The following NCAM1 variants were observed in gnomAD, a reference collection of about 807,000 sequenced individuals.
The protein encoded by NCAM1 is antigen recognized by monoclonal antibody 5.1H11.
A neutral mutation model predicts 109.8 loss-of-function variants in NCAM1; 14 were observed. That is an observed-to-expected ratio of 0.13 (90% CI 0.08 to 0.20). The LOEUF is 0.20. Among genes scored for constraint, NCAM1 ranks in the 10% least tolerant of loss-of-function variants. NCAM1 has a pLI of 1.00. For missense variants in NCAM1, 774 were observed against 1,109.9 expected, an observed-to-expected ratio of 0.70 and a Z score of 4.30; for synonymous variants, 418 against 442.9, an observed-to-expected ratio of 0.94 and a Z score of 0.70.
intron 15 of NCAM1, among the ~76,000 whole-genome samples, chr11:113,248,336 C>T (rs145182839): frequency 0.016 from 2,428 of 152,106 alleles, 28 homozygotes; most frequent in Middle Eastern, 0.024. Flanking sequence ...CTGCCATCTG[C>T]AAGGGGGCAA....
chr11:113,119,994 G>A (rs942725394), intron 1 of NCAM1, among the ~76,000 whole-genome samples: 3 of 152,202 alleles, frequency 2.0e-5, no homozygotes, highest in African/African-American at 7.2e-5. Context: ...ATTGCTGGAG[G>A]ATGAAGATTT....
chr11:113,098,244 A>G (rs1423749477), intron 1 of NCAM1, among the ~76,000 whole-genome samples: 1 of 152,180 alleles, frequency 6.6e-6, no homozygotes, highest in Non-Finnish European at 1.5e-5. Context: ...GTCCCTCGGT[A>G]TAGAGGAGAT....
chr11:113,258,749 G>A (rs2137621587), intron 16 of NCAM1, among the ~76,000 whole-genome samples: 1 of 152,264 alleles, frequency 6.6e-6, no homozygotes, highest in African/African-American at 2.4e-5. Context: ...ATTATCACAT[G>A]TACCCTGAAA....
chr11:113,277,254 G>C lies in NCAM1; in HGVS notation c.*1867G>C, dbSNP rs187112956. On this transcript the variant is annotated 3_prime_UTR_variant, in exon 20 of 20. Coordinates refer to ENST00000316851, the MANE Select transcript of NCAM1 (RefSeq NM_181351.5). ...TCCCCAACGTTCTGACACTTCTGCA[G>C]TCTGATCAGTGGCGATGCTAGATTA... 3.9e-4 allele frequency: 155 copies of C among 398,712 alleles called. 1 individual carries two copies. The East Asian group carries it at 4.8e-3, about 12-fold the overall frequency. 24.7% of individuals were successfully genotyped at this position (398,712 alleles called of 1,614,324 possible).
At chr11:113,162,501 G>A (rs1351164585) in intron 1 of NCAM1, among the ~76,000 whole-genome samples, 2 of 152,134 alleles carry the variant, frequency 1.3e-5, no homozygotes, top group African/African-American at 4.8e-5. Context: ...AATAACTACT[G>A]GAGGTGAAAA....
In NCAM1 at chr11:112,981,362, A is replaced by G. The variant is rs984639388; in HGVS notation, c.52+19698A>G. 1.3e-5 allele frequency among the ~76,000 whole-genome samples: 2 copies of G among 152,074 alleles called. 1 individual carries two copies. On this transcript the variant is annotated intron_variant, in intron 1 of 19. Coordinates refer to ENST00000316851, the MANE Select transcript of NCAM1 (RefSeq NM_181351.5). The stretch of plus-strand genomic sequence containing the variant: ...AAAGCAAGGCTAAGATGGATTTAAG[A>G]TGTATTTCTTGTCATGTGAAACGTC...
At position 113,270,306 on chromosome 11, in the gene NCAM1, C is replaced by G. The variant is rs1946238396; in HGVS notation, c.2250C>G (p.Gly750=). Residue 750 remains glycine, a synonymous_variant, in exon 18 of 20, where the codon GGC becomes GGG. Coordinates refer to ENST00000316851, the MANE Select transcript of NCAM1 (RefSeq NM_181351.5). ...DITCYFLNKC[G]LFMCIAVNLC... Reference sequence around the variant, plus strand: ...CCTGCTACTTCCTGAACAAGTGTGGCCTGTTCATGTGCATTGCGGTCAACC... The same window carrying G: ...CCTGCTACTTCCTGAACAAGTGTGGGCTGTTCATGTGCATTGCGGTCAACC... 3 of 1,614,036 alleles carry G rather than the reference C, an allele frequency of 1.9e-6. No individual in the cohort carries two copies. In the South Asian group the frequency reaches 3.3e-5, roughly 18 times the overall value.
chr11:113,005,406 G>A (rs570305540), intron 1 of NCAM1, among the ~76,000 whole-genome samples: 189 of 152,206 alleles, frequency 1.2e-3, no homozygotes, highest in African/African-American at 4.2e-3. Context: ...TCTTTTTTGG[G>A]CGGTGGTTTG....
chr11:113,233,990 A>G lies in NCAM1; in HGVS notation c.1693+673A>G, dbSNP rs193122350. On this transcript the variant is annotated intron_variant, in intron 13 of 19. Transcript: ENST00000316851. This position sits in a 1 kb window ranked among gnomAD's most constrained non-coding sequence, Gnocchi z 4.5. ...TTTAATCCTGGTCTCGTATGTGGTA[A>G]TTCGAGTGGAATTGGAAGTAGGCTG... 3.5e-3 allele frequency among the ~76,000 whole-genome samples: 527 copies of G among 152,314 alleles called. 1 individual carries two copies. The highest frequency in any genetic ancestry group is 5.3e-3 in the Non-Finnish European group (362 of 68,030).
chr11:112,994,549 G>T (rs1368342686), intron 1 of NCAM1, among the ~76,000 whole-genome samples: 2 of 152,194 alleles, frequency 1.3e-5, no homozygotes, highest in Non-Finnish European at 1.5e-5. Flanking sequence ...ATTAGCCTGA[G>T]ATCCAGAAAC....
intron 9 of NCAM1, among the ~76,000 whole-genome samples, chr11:113,224,377 G>C (rs542316156): frequency 3.0e-4 from 46 of 152,326 alleles, no homozygotes; most frequent in Non-Finnish European, 4.7e-4. Flanking sequence ...CGGCAGCAAG[G>C]CTGGGGGAGG....
chr11:113,228,953 A>C (rs1211130297), intron 9 of NCAM1, among the ~76,000 whole-genome samples: 1 of 152,184 alleles, frequency 6.6e-6, no homozygotes, highest in Non-Finnish European at 1.5e-5. Context: ...TAAAGACTTA[A>C]ATGTTAGACC....
chr11:113,031,658 C>T (rs1253154754), intron 1 of NCAM1, among the ~76,000 whole-genome samples: 1 of 151,254 alleles, frequency 6.6e-6, no homozygotes, highest in African/African-American at 2.4e-5. Flanking sequence ...TGCCACTGCA[C>T]TTCAGCCTGG....
At chr11:113,265,642 G>A (rs12292467) in intron 17 of NCAM1, among the ~76,000 whole-genome samples, 4,194 of 152,212 alleles carry the variant, frequency 0.028, 159 homozygotes, top group African/African-American at 0.095. Flanking sequence ...TAACTCAGAC[G>A]CATCCTGCAA....
chr11:113,205,910 A>G (rs1944221866), intron 4 of NCAM1, 133 bp from the exon 5 acceptor site: 1 of 1,189,072 alleles, frequency 8.4e-7, no homozygotes, highest in Admixed American at 2.3e-5. Flanking sequence ...AAAGCCAGGG[A>G]CGCATTTTCT....
intron 1 of NCAM1, among the ~76,000 whole-genome samples, chr11:113,110,016 T>C (rs782808353): frequency 2.0e-5 from 3 of 152,204 alleles, no homozygotes; most frequent in Non-Finnish European, 4.4e-5. Context: ...ATGAATTAAC[T>C]GTAATTCATA....
At chr11:112,961,836 C>T (rs549332851) in intron 1 of NCAM1, among the ~76,000 whole-genome samples, 172 bp downstream of exon 1, 7 of 152,278 alleles carry the variant, frequency 4.6e-5, no homozygotes, top group Non-Finnish European at 8.8e-5. Context: ...GAACCCCGCT[C>T]CCTCCAGGGC....
At chr11:112,977,125 A>G (rs1234141279) in intron 1 of NCAM1, among the ~76,000 whole-genome samples, 3 of 151,798 alleles carry the variant, frequency 2.0e-5, no homozygotes, top group African/African-American at 7.2e-5. Context: ...TGGTAAAAAA[A>G]AAAAATCACC....
intron 1 of NCAM1, among the ~76,000 whole-genome samples, chr11:113,090,189 C>CTATGTAA (rs1939277232): frequency 6.6e-6 from 1 of 152,130 alleles, no homozygotes; most frequent in African/African-American, 2.4e-5. Flanking sequence ...GTGCTGTGGA[C>CTATGTAA]TACTAGGTGA....
Sources: allele counts gnomAD v4.1 joint callset (sites outside exome capture counted in the v4.1 genomes callset), GRCh38; gene constraint gnomAD v4.1.1; non-coding constraint Gnocchi (gnomAD v3.1); transcripts MANE v1.5; gene names NCBI Gene and HGNC (gene_info 2026-07-23, HGNC 2026-07-21).